The following KCNQ1 variants were observed in gnomAD, a reference collection of about 807,000 sequenced individuals.
The protein encoded by KCNQ1 is potassium voltage-gated channel subfamily Q member 1.
Under a neutral mutation model 72.4 loss-of-function variants are expected in KCNQ1, and 49 were observed. That is an observed-to-expected ratio of 0.68 (90% CI 0.54 to 0.86). The LOEUF is 0.86. Among genes scored for constraint, KCNQ1 ranks in the 40% least tolerant of loss-of-function variants. The pLI is 0.00. For missense variants in KCNQ1, 790 were observed against 945.1 expected (o/e 0.84, Z 2.15); for synonymous variants, 450 against 412.6 (o/e 1.09, Z -1.10).
chr11:2,753,066 G>C (rs904649046), intron 11 of KCNQ1, among the ~76,000 whole-genome samples: 10 of 152,168 alleles, frequency 6.6e-5, no homozygotes, highest in Non-Finnish European at 1.5e-4. Flanking sequence ...ATCAACCCAG[G>C]GGGAGGAGAG....
intron 1 of KCNQ1, among the ~76,000 whole-genome samples, chr11:2,521,755 T>C (rs1207121490): frequency 6.6e-6 from 1 of 152,234 alleles, no homozygotes; most frequent in South Asian, 2.1e-4. Flanking sequence ...GTGTGGGGCC[T>C]GTCCCCGAGT....
chr11:2,604,189 G>A (rs1848847356), intron 10 of KCNQ1, among the ~76,000 whole-genome samples: 1 of 152,012 alleles, frequency 6.6e-6, no homozygotes, highest in South Asian at 2.1e-4. Flanking sequence ...AAAGAGATAT[G>A]AAAGGCTGGG....
intron 15 of KCNQ1, among the ~76,000 whole-genome samples, chr11:2,793,877 G>A (rs1328686420): frequency 6.6e-6 from 1 of 152,206 alleles, no homozygotes; most frequent in African/African-American, 2.4e-5. Flanking sequence ...TTACATATCT[G>A]TCTGTGTGAA....
intron 1 of KCNQ1, among the ~76,000 whole-genome samples, chr11:2,472,092 G>A (rs1297506991): frequency 6.6e-6 from 1 of 151,262 alleles, no homozygotes; most frequent in African/African-American, 2.4e-5. Context: ...GTATATATGG[G>A]TGTGTGTGCA....
rs1846835800 is a variant in KCNQ1 at position 2,491,535 on chromosome 11, C to T, written c.387-36393C>T. Among the ~76,000 whole-genome samples, 1 of 152,018 alleles carries T rather than the reference C, an allele frequency of 6.6e-6. No individual in the cohort carries two copies. The highest frequency in any genetic ancestry group is 2.1e-4 in the South Asian group (1 of 4,828). Reference sequence around the variant, plus strand: ...CTTGAAGACAGGATATTTGTAAATACACAGAGGAGACAGAATAAGAACGAA... The same window carrying T: ...CTTGAAGACAGGATATTTGTAAATATACAGAGGAGACAGAATAAGAACGAA... On this transcript the variant is annotated intron_variant, in intron 1 of 15. Coordinates refer to ENST00000155840, the MANE Select transcript of KCNQ1 (RefSeq NM_000218.3). The surrounding 1 kb of genome is among the most constrained non-coding windows in gnomAD (Gnocchi z 4.1).
At chr11:2,686,101 TG>T in intron 11 of KCNQ1, 1 of 398,888 alleles carries the variant, frequency 2.5e-6, no homozygotes, top group Non-Finnish European at 4.4e-6. Flanking sequence ...CCTGAGTTGA[TG>T]GCAAAGTGTA....
intron 10 of KCNQ1, chr11:2,618,803 A>G: frequency 5.0e-6 from 2 of 398,376 alleles, no homozygotes. Flanking sequence ...TATTATTCAG[A>G]TTCATGAGCA....
rs179392 is a variant in KCNQ1 at position 2,492,200 on chromosome 11, G to C, written c.387-35728G>C. Reference sequence around the variant, plus strand: ...ATAGTATTATAACACTGTAATTATGGTGTGTAAACTACTCATATATTAAGT... The same window carrying C: ...ATAGTATTATAACACTGTAATTATGCTGTGTAAACTACTCATATATTAAGT... On this transcript the variant is annotated intron_variant, in intron 1 of 15. Coordinates refer to ENST00000155840, the MANE Select transcript of KCNQ1 (RefSeq NM_000218.3). The surrounding 1 kb of genome is among the most constrained non-coding windows in gnomAD (Gnocchi z 4.1). Among the ~76,000 whole-genome samples, 26,770 of 152,118 alleles carry C rather than the reference G, an allele frequency of 0.18. 2,536 individuals carry two copies. The highest frequency in any genetic ancestry group is 0.25 in the African/African-American group (10,343 of 41,472).
At chr11:2,789,218 A>G (rs954928335) in intron 15 of KCNQ1, among the ~76,000 whole-genome samples, 3 of 151,956 alleles carry the variant, frequency 2.0e-5, no homozygotes, top group African/African-American at 4.8e-5. Context: ...GGAAATGATG[A>G]TACCCTGTGC....
At position 2,723,221 on chromosome 11, in the gene KCNQ1, AG is replaced by A. The variant is rs528061967; in HGVS notation, c.1515-45622del. The stretch of plus-strand genomic sequence containing the variant: ...CCGTGGTGCTCCACACACCTGCCAC[AG>A]CTGCTTACCCCACTCCCTGCCGCCC... On this transcript the variant is annotated intron_variant, in intron 11 of 15. Coordinates refer to ENST00000155840, the MANE Select transcript of KCNQ1 (RefSeq NM_000218.3). The surrounding 1 kb of genome is among the most constrained non-coding windows in gnomAD (Gnocchi z 4.2). 6.6e-6 allele frequency among the ~76,000 whole-genome samples: 1 copy of A among 152,302 alleles called. No individual in the cohort carries two copies. Among genetic ancestry groups the A allele is most frequent in the Non-Finnish European group, 1.5e-5 (1 of 68,018 alleles).
chr11:2,640,399 C>T (rs553497284), intron 10 of KCNQ1: 4 of 398,546 alleles, frequency 1.0e-5, no homozygotes, highest in Non-Finnish European at 1.8e-5. Flanking sequence ...CATTCTCCAT[C>T]CTTGACCCCT....
chr11:2,652,213 C>A lies in KCNQ1; in HGVS notation c.1394-9748C>A. ...TGGATTTGGTAGCCAGGGCCTGGAG[C>A]CGGATGCTGAGAATGAGGCCTGCAA... On this transcript the variant is annotated intron_variant, in intron 10 of 15. Coordinates refer to ENST00000155840, the MANE Select transcript of KCNQ1 (RefSeq NM_000218.3). The surrounding 1 kb of genome is among the most constrained non-coding windows in gnomAD (Gnocchi z 5.9). The A allele has an allele frequency of 2.5e-6, 1 of 398,562 alleles. No individual in the cohort carries two copies. Among genetic ancestry groups the A allele is most frequent in the Non-Finnish European group, 4.4e-6 (1 of 226,084 alleles). The allele number at this position is 398,562 out of a possible 1,614,324, so 24.7% of individuals were successfully genotyped here. A position where few individuals can be genotyped will look rare whatever the true frequency, so the allele number is the denominator to read the frequency against.
At chr11:2,791,825 T>A (rs1847031160) in intron 15 of KCNQ1, among the ~76,000 whole-genome samples, 1 of 152,138 alleles carries the variant, frequency 6.6e-6, no homozygotes, top group African/African-American at 2.4e-5. Flanking sequence ...CTTCCTGCCC[T>A]GGCTCCGAGC....
At chr11:2,780,439 G>A (rs901095109) in intron 15 of KCNQ1, among the ~76,000 whole-genome samples, 23 of 152,332 alleles carry the variant, frequency 1.5e-4, no homozygotes, top group Middle Eastern at 3.4e-3. Flanking sequence ...GGCGTGCAGC[G>A]GTGCCAATGC....
At chr11:2,726,726 C>A (rs545512553) in intron 11 of KCNQ1, among the ~76,000 whole-genome samples, 1 of 152,150 alleles carries the variant, frequency 6.6e-6, no homozygotes, top group South Asian at 2.1e-4. Context: ...GACTTTAATA[C>A]GGGGGAAATA....
chr11:2,839,253 G>A (rs997132035), intron 15 of KCNQ1, among the ~76,000 whole-genome samples: 1 of 152,230 alleles, frequency 6.6e-6, no homozygotes, highest in African/African-American at 2.4e-5. Flanking sequence ...CCCTTCCAAG[G>A]GAAGAGGGCA....
In KCNQ1 at chr11:2,675,876, A is replaced by G. The variant is rs1352272596; in HGVS notation, c.1514+13795A>G. On this transcript the variant is annotated intron_variant, in intron 11 of 15. Transcript: ENST00000155840. Reference sequence around the variant, plus strand: ...GCCAACACCTGCCTTCTGGGGAGCCAATCGTGCTTTATGTATTCAAGGGTT... The same window carrying G: ...GCCAACACCTGCCTTCTGGGGAGCCGATCGTGCTTTATGTATTCAAGGGTT... The G allele has an allele frequency of 1.0e-5, 4 of 398,596 alleles. No homozygotes were observed. In the East Asian group the frequency reaches 1.4e-4, roughly 14 times the overall value. 24.7% of individuals were successfully genotyped at this position (398,596 alleles called of 1,614,324 possible).
intron 6 of KCNQ1, among the ~76,000 whole-genome samples, chr11:2,573,733 C>G (rs1848376175): frequency 6.6e-6 from 1 of 152,220 alleles, no homozygotes; most frequent in African/African-American, 2.4e-5. Flanking sequence ...ACCGAGCCAC[C>G]CAAAGCTCAG....
rs554053420 is a variant in KCNQ1 at position 2,547,895 on chromosome 11, C to T, written c.477+19877C>T. On this transcript the variant is annotated intron_variant, in intron 2 of 15. Coordinates refer to ENST00000155840, the MANE Select transcript of KCNQ1 (RefSeq NM_000218.3). The surrounding 1 kb of genome is among the most constrained non-coding windows in gnomAD (Gnocchi z 4.2). ...TCCTGGCAGAGAGCATGGCACGTGC[C>T]AAGACCCGGATGGGGCGTGTGCCTG... Among the ~76,000 whole-genome samples, 1 of 152,328 alleles carries T rather than the reference C, an allele frequency of 6.6e-6. No individual in the cohort carries two copies. Among genetic ancestry groups the T allele is most frequent in the African/African-American group, 2.4e-5 (1 of 41,566 alleles).
Sources: allele counts gnomAD v4.1 joint callset (sites outside exome capture counted in the v4.1 genomes callset), GRCh38; gene constraint gnomAD v4.1.1; non-coding constraint Gnocchi (gnomAD v3.1); transcripts MANE v1.5; gene names NCBI Gene and HGNC (gene_info 2026-07-23, HGNC 2026-07-21).